Variants in OSTC observed in about 807,000 individuals in gnomAD.
OSTC encodes the protein oligosaccharyltransferase complex subunit OSTC.
OSTC carries 16 observed loss-of-function variants against 16.4 expected under a neutral mutation model. The observed-to-expected ratio is 0.98, with a 90% CI of 0.66 to 1.49. The LOEUF (loss-of-function observed/expected upper bound fraction) is 1.49. Among genes scored for constraint, OSTC ranks in the 40% most tolerant of loss-of-function variants. The pLI is 0.00. For synonymous variants in OSTC, 67 were observed against 68.5 expected, an observed-to-expected ratio of 0.98 and a Z score of 0.11; for missense variants, 139 against 186.3, an observed-to-expected ratio of 0.75 and a Z score of 1.48.
intron 2 of OSTC, among the ~76,000 whole-genome samples, chr4:108,656,924 C>G (rs911582950): frequency 6.6e-6 from 1 of 151,940 alleles, no homozygotes; most frequent in Non-Finnish European, 1.5e-5. Flanking sequence ...CCGGTGAAAC[C>G]CTGTCTCCCC....
chr4:108,659,883 C>T (rs1726812183), intron 3 of OSTC, among the ~76,000 whole-genome samples: 1 of 152,236 alleles, frequency 6.6e-6, no homozygotes, highest in Non-Finnish European at 1.5e-5. Flanking sequence ...CAAATATGTT[C>T]TCATTCTACC....
intron 3 of OSTC, among the ~76,000 whole-genome samples, chr4:108,661,527 ATCT>A (rs771143382): frequency 5.9e-5 from 9 of 152,128 alleles, no homozygotes; most frequent in Admixed American, 1.3e-4. Context: ...AAAATAATGA[ATCT>A]TCATTAGATT....
At chr4:108,655,721 A>G in intron 2 of OSTC, 64 bp downstream of exon 2, 2 of 1,177,786 alleles carry the variant, frequency 1.7e-6, no homozygotes, top group East Asian at 2.4e-5. Flanking sequence ...ATGCCCACTT[A>G]TTTAAAAATA....
At chr4:108,665,126 T>A (rs1726961331) in intron 3 of OSTC, among the ~76,000 whole-genome samples, 2 of 152,086 alleles carry the variant, frequency 1.3e-5, no homozygotes, top group South Asian at 4.1e-4. Context: ...GGGAGGGAAG[T>A]CACATTTTTG....
chr4:108,650,765 T>C lies in OSTC; in HGVS notation c.110T>C (p.Val37Ala). 1 of 1,614,202 alleles carries C rather than the reference T, an allele frequency of 6.2e-7. No homozygotes were observed. The highest frequency in any genetic ancestry group is 8.5e-7 in the Non-Finnish European group (1 of 1,180,032). The stretch of plus-strand genomic sequence containing the variant: ...TCGGCCATGACTGTGTATGCTCTGG[T>C]GGTGGTGTCTTACTTCCTCATCACC... ...MPSAMTVYALVVVSYFLITGG... is the reference protein window; with the variant it reads ...MPSAMTVYALAVVSYFLITGG... The change falls in exon 1 of 4, where the codon GTG (valine) becomes GCG (alanine). Residue 37 changes from valine to alanine, a missense_variant. Val to Ala is a moderately conservative substitution (Grantham distance 64). Coordinates refer to ENST00000361564, the MANE Select transcript of OSTC (RefSeq NM_021227.4).
chr4:108,659,895 A>G (rs938088916), intron 3 of OSTC, among the ~76,000 whole-genome samples: 6 of 152,212 alleles, frequency 3.9e-5, no homozygotes, highest in African/African-American at 1.4e-4. Context: ...CATTCTACCT[A>G]CTGTTTTCAT....
At chr4:108,661,948 G>A (rs926099500) in intron 3 of OSTC, among the ~76,000 whole-genome samples, 1 of 152,196 alleles carries the variant, frequency 6.6e-6, no homozygotes, top group African/African-American at 2.4e-5. Context: ...CTGTGGTGGC[G>A]TGGTAATGCC....
chr4:108,657,917 C>CTTTTTTT lies in OSTC; in HGVS notation c.431+294_431+300dup, dbSNP rs70949037. Among the ~76,000 whole-genome samples, 41 of 67,212 alleles carry CTTTTTTT rather than the reference C, an allele frequency of 6.1e-4. 1 individual carries two copies. Among genetic ancestry groups the CTTTTTTT allele is most frequent in the Non-Finnish European group, 8.0e-4 (31 of 38,762 alleles). 44.1% of individuals were successfully genotyped at this position (67,212 alleles called of 152,430 possible). A position where few individuals can be genotyped will look rare whatever the true frequency, so the allele number is the denominator to read the frequency against. On this transcript the variant is annotated intron_variant, in intron 3 of 3. Transcript: ENST00000361564. ...CAATGACTGAAGATAGTCATTGTTT[C>CTTTTTTT]TTTTTTTTTTTTTTTTTTTTTTTTT...
intron 3 of OSTC, 72 bp downstream of exon 3, chr4:108,657,719 T>C: frequency 7.6e-7 from 1 of 1,314,590 alleles, no homozygotes; most frequent in Non-Finnish European, 1.0e-6. Context: ...TGTAAAGTCA[T>C]AGGACATTTA....
intron 2 of OSTC, 70 bp from the exon 3 acceptor site, chr4:108,657,380 A>G: frequency 7.1e-7 from 1 of 1,400,192 alleles, no homozygotes; most frequent in Non-Finnish European, 9.9e-7. Flanking sequence ...CAAAAACGGA[A>G]ATAGGAATTT....
At chr4:108,661,912 T>C (rs1726867533) in intron 3 of OSTC, among the ~76,000 whole-genome samples, 1 of 151,978 alleles carries the variant, frequency 6.6e-6, no homozygotes. Flanking sequence ...AGCAGAATCT[T>C]AAAAAAAATA....
intron 3 of OSTC, 85 bp from the exon 4 acceptor site, chr4:108,667,161 GT>G: frequency 9.4e-7 from 1 of 1,065,462 alleles, no homozygotes; most frequent in Non-Finnish European, 1.4e-6. Context: ...CATAAAATTT[GT>G]TTTGGCATTT....
rs1052352798 is a variant in OSTC, at chr4:108,659,685, C to T, written c.431+2038C>T. 3.9e-5 allele frequency among the ~76,000 whole-genome samples: 6 copies of T among 152,046 alleles called. No individual in the cohort carries two copies. In the East Asian group the frequency reaches 5.8e-4, roughly 15 times the overall value. On this transcript the variant is annotated intron_variant, in intron 3 of 3. Transcript: ENST00000361564. ...TCGGGAGGCTGAGGCAGGAGAATGG[C>T]GTGAACCCAGGAGGCAGAGCTTGCA...
chr4:108,667,127 T>G (rs959272518), intron 3 of OSTC, 120 bp from the exon 4 acceptor site: 8 of 739,286 alleles, frequency 1.1e-5, no homozygotes, highest in Non-Finnish European at 1.5e-5. Flanking sequence ...CGCAATTATA[T>G]TTTTGGATTG....
intron 3 of OSTC, among the ~76,000 whole-genome samples, chr4:108,664,814 A>G (rs1006881027): frequency 6.6e-6 from 1 of 151,962 alleles, no homozygotes; most frequent in Non-Finnish European, 1.5e-5. Context: ...GGATGGTTTC[A>G]ATCTCTTGAC....
intron 3 of OSTC, 79 bp from the exon 4 acceptor site, chr4:108,667,168 C>T (rs935675602): frequency 1.7e-5 from 20 of 1,197,976 alleles, no homozygotes; most frequent in African/African-American, 9.4e-5. Flanking sequence ...TTTGTTTTGG[C>T]ATTTTGAAAT....
chr4:108,651,000 C>A (rs1254771022), intron 1 of OSTC: 1 of 646,800 alleles, frequency 1.5e-6, no homozygotes, highest in Non-Finnish European at 2.5e-6. Flanking sequence ...AATTCGTGTT[C>A]TCACTCCCAT....
chr4:108,653,258 A>G (rs1179975061), intron 1 of OSTC, among the ~76,000 whole-genome samples: 1 of 152,226 alleles, frequency 6.6e-6, no homozygotes, highest in Non-Finnish European at 1.5e-5. Flanking sequence ...AACAATGGTT[A>G]TAAATACAGT....
At chr4:108,658,502 A>G (rs1265943823) in intron 3 of OSTC, among the ~76,000 whole-genome samples, 3 of 151,956 alleles carry the variant, frequency 2.0e-5, no homozygotes, top group African/African-American at 2.4e-5. Flanking sequence ...AAACTTTTCA[A>G]TATCTTTAGA....
Sources: gnomAD v4.1 joint callset for allele counts (sites outside exome capture counted in the v4.1 genomes callset) on GRCh38, gnomAD v4.1.1 for gene constraint, MANE v1.5 for transcripts, NCBI Gene and HGNC (gene_info 2026-07-23, HGNC 2026-07-21) for gene names.